LRMDA: variants seen among roughly 807,000 people sequenced by gnomAD.
LRMDA encodes the protein leucine rich melanocyte differentiation associated.
In LRMDA, 18 loss-of-function variants were observed where a neutral mutation model predicts 29.8. The observed-to-expected ratio is 0.60, with a 90% CI of 0.42 to 0.90. The LOEUF is 0.90. LRMDA is among the 40% of genes least tolerant of loss of function. LRMDA has a pLI of 0.00. For missense variants in LRMDA, 273 were observed against 273.9 expected (o/e 1.00, Z 0.02); for synonymous variants, 125 against 109.4 (o/e 1.14, Z -0.89).
chr10:75,578,855 C>A (rs886708025), intron 2 of LRMDA, among the ~76,000 whole-genome samples: 4 of 145,948 alleles, frequency 2.7e-5, no homozygotes, highest in Non-Finnish European at 6.1e-5. Flanking sequence ...AAAAGATGTT[C>A]TTTGAAACCA....
At chr10:76,082,523 A>T (rs991889049) in intron 5 of LRMDA, among the ~76,000 whole-genome samples, 26 of 152,180 alleles carry the variant, frequency 1.7e-4, no homozygotes, top group African/African-American at 5.8e-4. Context: ...ATTTTCCATT[A>T]GATGTTTATT....
At chr10:76,477,661 G>A (rs1367292032) in intron 6 of LRMDA, among the ~76,000 whole-genome samples, 1 of 152,070 alleles carries the variant, frequency 6.6e-6, no homozygotes, top group Admixed American at 6.6e-5. Flanking sequence ...ATACTACAAG[G>A]CTACAGTAAC....
chr10:75,635,371 C>A (rs1841378347), intron 2 of LRMDA, among the ~76,000 whole-genome samples: 1 of 151,918 alleles, frequency 6.6e-6, no homozygotes, highest in Non-Finnish European at 1.5e-5. Context: ...GGTATGATGG[C>A]CTTGTTTTCT....
intron 6 of LRMDA, among the ~76,000 whole-genome samples, chr10:76,550,046 A>G (rs781776720): frequency 2.6e-5 from 4 of 152,214 alleles, no homozygotes; most frequent in Non-Finnish European, 4.4e-5. Context: ...GCACAATTTA[A>G]TATTTGGCCA....
At position 75,600,425 on chromosome 10, in the gene LRMDA, C is replaced by T. The variant is rs147516146; in HGVS notation, c.131+161931C>T. 4.1e-4 allele frequency among the ~76,000 whole-genome samples: 62 copies of T among 152,318 alleles called. No homozygotes were observed. The East Asian group carries it at 0.011, about 27-fold the overall frequency. On this transcript the variant is annotated intron_variant, in intron 2 of 6. Coordinates refer to ENST00000611255, the MANE Select transcript of LRMDA (RefSeq NM_001305581.2). ...CTGCACTTCTGAATTGTGCTTTTGACCTGTGGATCAGATACATCATCCTCC... is the reference window on the plus strand; with the variant it reads ...CTGCACTTCTGAATTGTGCTTTTGATCTGTGGATCAGATACATCATCCTCC...
At chr10:76,055,990 C>T (rs770728941) in intron 4 of LRMDA, among the ~76,000 whole-genome samples, 69 of 152,242 alleles carry the variant, frequency 4.5e-4, no homozygotes, top group Non-Finnish European at 9.4e-4. Flanking sequence ...TCTTTCAGTC[C>T]TGCCATTTGG....
intron 2 of LRMDA, among the ~76,000 whole-genome samples, chr10:75,758,010 G>T (rs1196443476): frequency 6.6e-6 from 1 of 152,170 alleles, no homozygotes; most frequent in African/African-American, 2.4e-5. Flanking sequence ...ATGTTGGCCA[G>T]GCTGGTCTCA....
At chr10:76,215,078 A>T (rs918208387) in intron 5 of LRMDA, among the ~76,000 whole-genome samples, 28 of 152,356 alleles carry the variant, frequency 1.8e-4, no homozygotes, top group African/African-American at 6.3e-4. Flanking sequence ...AAAATGCTAA[A>T]TGAGGAGCAC....
chr10:75,613,953 G>A (rs998112459), intron 2 of LRMDA, among the ~76,000 whole-genome samples: 1 of 152,140 alleles, frequency 6.6e-6, no homozygotes, highest in African/African-American at 2.4e-5. Flanking sequence ...TATGCTTTCT[G>A]CACCTAATAA....
chr10:76,290,139 C>T (rs1017453173), intron 5 of LRMDA, among the ~76,000 whole-genome samples: 6 of 152,146 alleles, frequency 3.9e-5, no homozygotes, highest in African/African-American at 1.4e-4. Context: ...CAGAATAAAA[C>T]AGACTTTTAG....
intron 2 of LRMDA, among the ~76,000 whole-genome samples, chr10:75,769,347 T>A (rs1368401595): frequency 1.3e-5 from 2 of 152,224 alleles, no homozygotes; most frequent in Non-Finnish European, 2.9e-5. Flanking sequence ...TGTTCTACAC[T>A]GCACAAAAAG....
At chr10:76,092,695 A>C (rs1849249266) in intron 5 of LRMDA, among the ~76,000 whole-genome samples, 1 of 152,136 alleles carries the variant, frequency 6.6e-6, no homozygotes, top group Non-Finnish European at 1.5e-5. Flanking sequence ...AAGTTGCATA[A>C]TTTTTTTCGG....
intron 2 of LRMDA, among the ~76,000 whole-genome samples, chr10:75,490,367 ACACACACAG>A (rs1844972218): frequency 6.6e-6 from 1 of 150,540 alleles, no homozygotes; most frequent in African/African-American, 2.5e-5. Context: ...ACACACACAC[ACACACACAG>A]AGTCAACTTC....
chr10:75,482,491 T>TTA (rs1844865426), intron 2 of LRMDA, among the ~76,000 whole-genome samples: 1 of 152,212 alleles, frequency 6.6e-6, no homozygotes, highest in African/African-American at 2.4e-5. Flanking sequence ...AGTTGCAGTT[T>TTA]TATATATATT....
chr10:75,492,342 C>A (rs931088083), intron 2 of LRMDA, among the ~76,000 whole-genome samples: 1 of 152,230 alleles, frequency 6.6e-6, no homozygotes, highest in Non-Finnish European at 1.5e-5. Flanking sequence ...ACCTCTTGGC[C>A]TCCTTCCTAA....
chr10:75,749,605 G>A (rs1038634488), intron 2 of LRMDA, among the ~76,000 whole-genome samples: 7 of 151,094 alleles, frequency 4.6e-5, no homozygotes, highest in Non-Finnish European at 7.4e-5. Flanking sequence ...TTAAAAAAAA[G>A]CACCAGTCAA....
intron 2 of LRMDA, among the ~76,000 whole-genome samples, chr10:75,652,393 G>A (rs1405960734): frequency 6.6e-6 from 1 of 152,194 alleles, no homozygotes; most frequent in Admixed American, 6.5e-5. Flanking sequence ...TAGACACTCA[G>A]CCTCTGCCAG....
chr10:75,599,330 A>G (rs564369291), intron 2 of LRMDA, among the ~76,000 whole-genome samples: 1 of 152,286 alleles, frequency 6.6e-6, no homozygotes, highest in South Asian at 2.1e-4. Context: ...GTGTGATATT[A>G]ATTATACCCT....
At position 75,548,016 on chromosome 10, in the gene LRMDA, G is replaced by A. The variant is rs1042715286; in HGVS notation, c.131+109522G>A. ...AGCGCTCTCCTAATTTGATTGTAAG[G>A]CTTTTCATATTTATTTTTCAGCATT... On this transcript the variant is annotated intron_variant, in intron 2 of 6. Transcript: ENST00000611255. Among the ~76,000 whole-genome samples the A allele has an allele frequency of 1.5e-3, 234 of 151,996 alleles. 4 individuals carry two copies. The highest frequency in any genetic ancestry group is 5.4e-4 in the Non-Finnish European group (37 of 67,972).
Sources: allele counts gnomAD v4.1 joint callset (sites outside exome capture counted in the v4.1 genomes callset), GRCh38; gene constraint gnomAD v4.1.1; transcripts MANE v1.5; gene names NCBI Gene and HGNC (gene_info 2026-07-23, HGNC 2026-07-21).